The following NEO1 variants were observed in gnomAD, a reference collection of about 807,000 sequenced individuals.
NEO1 encodes neogenin 1.
Under a neutral mutation model 159.7 loss-of-function variants are expected in NEO1, and 63 were observed. The observed-to-expected ratio is 0.39, with a 90% CI of 0.32 to 0.49. NEO1 has a LOEUF of 0.49. Ranked by LOEUF, NEO1 falls within the 20% of genes least tolerant of loss-of-function variation. The pLI is 0.85. For synonymous variants in NEO1, 633 were observed against 662.0 expected (o/e 0.96, Z 0.67); for missense variants, 1,615 against 1,831.0 (o/e 0.88, Z 2.15).
chr15:73,142,359 G>A (rs2032477698), intron 5 of NEO1, among the ~76,000 whole-genome samples: 3 of 152,042 alleles, frequency 2.0e-5, no homozygotes, highest in Admixed American at 2.0e-4. Context: ...TGATAGCTGG[G>A]CTTTCATTGG....
chr15:73,119,862 C>T (rs985615911), intron 2 of NEO1, among the ~76,000 whole-genome samples: 7 of 152,270 alleles, frequency 4.6e-5, no homozygotes, highest in South Asian at 2.1e-4. Flanking sequence ...CTGAGCTGGG[C>T]GCAGTGGCTT....
intron 1 of NEO1, among the ~76,000 whole-genome samples, chr15:73,058,838 A>G (rs1041662943): frequency 6.6e-6 from 1 of 152,214 alleles, no homozygotes; most frequent in Non-Finnish European, 1.5e-5. Flanking sequence ...AAAATGGAAC[A>G]GTGGGTTTAT....
At chr15:73,102,265 CT>C (rs1336688889) in intron 1 of NEO1, among the ~76,000 whole-genome samples, 3 of 152,070 alleles carry the variant, frequency 2.0e-5, no homozygotes, top group African/African-American at 7.2e-5. Flanking sequence ...ATTCGGGAGG[CT>C]GAGGCAGAAG....
At chr15:73,299,037 T>C (rs1567732141) in intron 27 of NEO1, among the ~76,000 whole-genome samples, 1 of 152,078 alleles carries the variant, frequency 6.6e-6, no homozygotes, top group African/African-American at 2.4e-5. Context: ...AACCTCAGAA[T>C]AGGGAAAGGA....
chr15:73,182,419 C>G (rs1047646538), intron 7 of NEO1, among the ~76,000 whole-genome samples: 1 of 152,120 alleles, frequency 6.6e-6, no homozygotes, highest in Non-Finnish European at 1.5e-5. Context: ...ACATAAAGAG[C>G]TTAGTAATCT....
At chr15:73,190,641 A>C (rs917483782) in intron 7 of NEO1, among the ~76,000 whole-genome samples, 1 of 152,202 alleles carries the variant, frequency 6.6e-6, no homozygotes, top group African/African-American at 2.4e-5. Context: ...GGAATATTTT[A>C]ATTTCAAAGC....
intron 22 of NEO1, among the ~76,000 whole-genome samples, chr15:73,280,565 T>C (rs77203744): frequency 0.029 from 4,362 of 152,234 alleles, 84 homozygotes; most frequent in Middle Eastern, 0.065. Context: ...ACCCTGTAGT[T>C]CAGCACTGCT....
intron 1 of NEO1, among the ~76,000 whole-genome samples, chr15:73,100,012 G>C (rs1043316015): frequency 1.3e-5 from 2 of 151,880 alleles, no homozygotes; most frequent in Non-Finnish European, 2.9e-5. Flanking sequence ...GTTATTTTAC[G>C]TCTTCCTCTC....
intron 12 of NEO1, among the ~76,000 whole-genome samples, chr15:73,254,285 A>C (rs889571638): frequency 6.6e-6 from 1 of 152,054 alleles, no homozygotes; most frequent in African/African-American, 2.4e-5. Context: ...TTTATATGGA[A>C]ATTGTCTAAT....
intron 5 of NEO1, chr15:73,162,688 A>G: frequency 6.2e-6 from 1 of 161,796 alleles, no homozygotes; most frequent in South Asian, 1.5e-4. Context: ...GTGAGTCATC[A>G]TGCCTGGCCA....
At chr15:73,220,599 C>G (rs1650128868) in intron 7 of NEO1, among the ~76,000 whole-genome samples, 1 of 152,108 alleles carries the variant, frequency 6.6e-6, no homozygotes, top group Non-Finnish European at 1.5e-5. Context: ...TCACATAGTC[C>G]CATATTTCTT....
intron 8 of NEO1, among the ~76,000 whole-genome samples, chr15:73,241,489 A>G (rs577592348): frequency 6.6e-6 from 1 of 152,306 alleles, no homozygotes; most frequent in East Asian, 1.9e-4. Context: ...TTTAAGAAAA[A>G]GTTTGCCCAC....
intron 7 of NEO1, among the ~76,000 whole-genome samples, chr15:73,201,863 A>G (rs888872837): frequency 1.3e-5 from 2 of 151,492 alleles, no homozygotes; most frequent in African/African-American, 4.9e-5. Flanking sequence ...TGCTTTGTCT[A>G]GTATTAATAT....
intron 1 of NEO1, among the ~76,000 whole-genome samples, chr15:73,112,156 A>G (rs1002738856): frequency 6.6e-6 from 1 of 151,624 alleles, no homozygotes; most frequent in South Asian, 2.1e-4. Context: ...TTCATTATTC[A>G]TTTTTCACAG....
chr15:73,138,589 T>C (rs1373240608), intron 5 of NEO1, among the ~76,000 whole-genome samples: 3 of 151,976 alleles, frequency 2.0e-5, no homozygotes, highest in African/African-American at 7.2e-5. Context: ...ACCCCGTCTC[T>C]ACTAAAAATA....
At chr15:73,230,668 G>A (rs2038858646) in intron 7 of NEO1, among the ~76,000 whole-genome samples, 1 of 152,146 alleles carries the variant, frequency 6.6e-6, no homozygotes, top group Admixed American at 6.5e-5. Context: ...ATGACCCACT[G>A]CAGCCTCAAC....
At chr15:73,280,273 G>C (rs1236952813) in intron 22 of NEO1, among the ~76,000 whole-genome samples, 4 of 151,168 alleles carry the variant, frequency 2.6e-5, no homozygotes, top group African/African-American at 9.7e-5. Flanking sequence ...GCAGCAGAGT[G>C]AGGTTCCGTC....
chr15:73,284,926 G>A (rs185346948), intron 23 of NEO1, among the ~76,000 whole-genome samples: 111 of 152,162 alleles, frequency 7.3e-4, no homozygotes, highest in African/African-American at 2.4e-3. Flanking sequence ...TATTTTTAAA[G>A]CCTCAAAGAC....
At chr15:73,167,649 ATGT>A in intron 5 of NEO1, among the ~76,000 whole-genome samples, 1 of 152,354 alleles carries the variant, frequency 6.6e-6, no homozygotes, top group African/African-American at 2.4e-5. Context: ...TGGATGTTAG[ATGT>A]TGTGTATACA....
Sources: allele counts gnomAD v4.1 joint callset (sites outside exome capture counted in the v4.1 genomes callset), GRCh38; gene constraint gnomAD v4.1.1; transcripts MANE v1.5; gene names NCBI Gene and HGNC (gene_info 2026-07-23, HGNC 2026-07-21).